NOL4: variants seen among roughly 807,000 people sequenced by gnomAD.
NOL4 encodes cancer/testis antigen 125.
A neutral mutation model predicts 75.9 loss-of-function variants in NOL4; 17 were observed. That is an observed-to-expected ratio of 0.22 (90% CI 0.15 to 0.34). The LOEUF (loss-of-function observed/expected upper bound fraction) is 0.34. NOL4 is among the 10% of genes least tolerant of loss of function. The pLI is 1.00. For synonymous variants in NOL4, 292 were observed against 289.9 expected (o/e 1.01, Z -0.07); for missense variants, 614 against 793.5 (o/e 0.77, Z 2.72).
intron 1 of NOL4, among the ~76,000 whole-genome samples, chr18:34,196,169 A>G (rs1232036070): frequency 2.0e-5 from 3 of 152,066 alleles, no homozygotes; most frequent in Admixed American, 2.0e-4. Context: ...TTTCCCTCAT[A>G]TTTCTCTAGG....
intron 5 of NOL4, among the ~76,000 whole-genome samples, chr18:34,041,072 AT>A (rs2076119086): frequency 6.6e-6 from 1 of 151,972 alleles, no homozygotes; most frequent in Non-Finnish European, 1.5e-5. Context: ...CCAATAACAC[AT>A]ATTTTGCTTT....
rs189636494 is a variant in NOL4 at position 34,106,381 on chromosome 18, T to C, written c.415-1221A>G. On this transcript the variant is annotated intron_variant, in intron 2 of 10. Transcript: ENST00000261592. ...TAAAATCAGTTTATACCACATAGCC[T>C]ATCCTATTGACTTTAAGGGAAAAGA... Among the ~76,000 whole-genome samples, 265 of 152,140 alleles carry C rather than the reference T, an allele frequency of 1.7e-3. 2 individuals carry two copies. Among genetic ancestry groups the C allele is most frequent in the African/African-American group, 5.2e-3 (216 of 41,544 alleles).
intron 9 of NOL4, among the ~76,000 whole-genome samples, chr18:33,916,976 T>C (rs768850342): frequency 1.3e-5 from 2 of 152,210 alleles, no homozygotes; most frequent in African/African-American, 2.4e-5. Context: ...GAATTCAGCA[T>C]TATCTTTACT....
In NOL4 at chr18:33,883,292, TGTAACTATG is replaced by T; in HGVS notation, c.1666_1674del (p.His556_Tyr558del). ...TTTAGCAGACCCCCTCCTAGCCCTC[TGTAACTATG>T]GTAACTATAGGTCCCATTTCCATTG... On this transcript the variant is annotated inframe_deletion, in exon 10 of 11. Transcript: ENST00000261592. The T allele has an allele frequency of 1.2e-6, 2 of 1,612,914 alleles. No homozygotes were observed. Among genetic ancestry groups the T allele is most frequent in the Non-Finnish European group, 1.7e-6 (2 of 1,179,294 alleles).
At position 34,203,717 on chromosome 18, in the gene NOL4, T is replaced by TCACA. The variant is rs60755450; in HGVS notation, c.264+19269_264+19272dup. On this transcript the variant is annotated intron_variant, in intron 1 of 10. Transcript: ENST00000261592. ...CTCTCTCTCTCTCTCTCTCTCTCTC[T>TCACA]CACACACACACACACACACACACAC... Among the ~76,000 whole-genome samples the TCACA allele has an allele frequency of 6.5e-3, 470 of 72,284 alleles. 6 individuals are homozygous for TCACA. The highest frequency in any genetic ancestry group is 7.5e-3 in the South Asian group (10 of 1,328). The allele number at this position is 72,284 out of a possible 152,430, so 47.4% of individuals were successfully genotyped here.
chr18:34,154,355 G>T (rs2029939545), intron 1 of NOL4, among the ~76,000 whole-genome samples: 1 of 151,912 alleles, frequency 6.6e-6, no homozygotes, highest in Non-Finnish European at 1.5e-5. Context: ...TAGAAGAGTA[G>T]CAGCACCCCT....
At chr18:34,146,934 C>T (rs999210507) in intron 1 of NOL4, among the ~76,000 whole-genome samples, 2 of 152,106 alleles carry the variant, frequency 1.3e-5, no homozygotes, top group Non-Finnish European at 2.9e-5. Context: ...AGGTCCTTCA[C>T]ATCCCTTGTA....
At chr18:34,190,441 T>C (rs1368129854) in intron 1 of NOL4, among the ~76,000 whole-genome samples, 1 of 152,032 alleles carries the variant, frequency 6.6e-6, no homozygotes, top group Non-Finnish European at 1.5e-5. Context: ...ATAATAACAA[T>C]ATATTAACAT....
At chr18:34,001,995 C>T (rs2073748255) in intron 6 of NOL4, among the ~76,000 whole-genome samples, 1 of 152,118 alleles carries the variant, frequency 6.6e-6, no homozygotes, top group African/African-American at 2.4e-5. Flanking sequence ...GCCATCCACA[C>T]AGAAACCTAC....
chr18:34,194,457 AAGGC>A (rs576872798), intron 1 of NOL4, among the ~76,000 whole-genome samples: 29,621 of 144,578 alleles, frequency 0.2, 3,513 homozygotes, highest in Non-Finnish European at 0.24. Flanking sequence ...GGAAGGAAGG[AAGGC>A]AGGCAGGCAG....
intron 9 of NOL4, among the ~76,000 whole-genome samples, chr18:33,897,037 G>A (rs2065453535): frequency 6.6e-6 from 1 of 152,132 alleles, no homozygotes; most frequent in Admixed American, 6.6e-5. Flanking sequence ...CTGATCATTA[G>A]AGAAATGCAA....
intron 6 of NOL4, among the ~76,000 whole-genome samples, chr18:33,990,042 G>A (rs2072800292): frequency 6.6e-6 from 1 of 152,038 alleles, no homozygotes; most frequent in Admixed American, 6.6e-5. Flanking sequence ...CTGTTCTCAT[G>A]GGAAACTATC....
At chr18:33,880,301 G>C (rs1422208681) in intron 10 of NOL4, among the ~76,000 whole-genome samples, 1 of 126,968 alleles carries the variant, frequency 7.9e-6, no homozygotes, top group Non-Finnish European at 1.6e-5. Context: ...CATGCAAAAG[G>C]GGTCTGTGTG....
intron 5 of NOL4, among the ~76,000 whole-genome samples, chr18:34,021,560 T>C (rs1298761987): frequency 1.3e-5 from 2 of 152,102 alleles, no homozygotes; most frequent in African/African-American, 4.8e-5. Flanking sequence ...TTGTGGGAAG[T>C]GACATGGAAA....
intron 5 of NOL4, among the ~76,000 whole-genome samples, chr18:34,071,121 G>C (rs142869598): frequency 6.6e-5 from 10 of 152,086 alleles, no homozygotes; most frequent in Admixed American, 5.2e-4. Flanking sequence ...ACAAAGAAAT[G>C]ATAGATGTTT....
chr18:34,051,884 T>G (rs1380832693), intron 5 of NOL4, among the ~76,000 whole-genome samples: 1 of 151,792 alleles, frequency 6.6e-6, no homozygotes, highest in Non-Finnish European at 1.5e-5. Flanking sequence ...AGAAAGGCAG[T>G]AGAAATAGGG....
chr18:34,036,935 AAAAT>A (rs1423859180), intron 5 of NOL4, among the ~76,000 whole-genome samples: 2 of 152,170 alleles, frequency 1.3e-5, no homozygotes, highest in Non-Finnish European at 2.9e-5. Context: ...CCATCTTAAA[AAAAT>A]AAATAAATAA....
At chr18:33,889,112 T>C (rs757107026) in intron 9 of NOL4, among the ~76,000 whole-genome samples, 2 of 151,910 alleles carry the variant, frequency 1.3e-5, no homozygotes, top group African/African-American at 4.8e-5. Flanking sequence ...ACAAAATTGA[T>C]AGACTGCTAG....
At chr18:34,059,809 G>A (rs1018269927) in intron 5 of NOL4, among the ~76,000 whole-genome samples, 1 of 152,164 alleles carries the variant, frequency 6.6e-6, no homozygotes, top group South Asian at 2.1e-4. Flanking sequence ...ATCTGCTGGA[G>A]AAACCATGTG....
Sources: allele counts gnomAD v4.1 joint callset (sites outside exome capture counted in the v4.1 genomes callset), GRCh38; gene constraint gnomAD v4.1.1; transcripts MANE v1.5; gene names NCBI Gene and HGNC (gene_info 2026-07-23, HGNC 2026-07-21).